The following FZD1 variants were observed in gnomAD, a reference collection of about 807,000 sequenced individuals.
The protein encoded by FZD1 is frizzled-1.
A neutral mutation model predicts 48.0 loss-of-function variants in FZD1; 22 were observed. The observed-to-expected ratio is 0.46, with a 90% confidence interval of 0.33 to 0.65. The LOEUF (loss-of-function observed/expected upper bound fraction) is 0.65, where lower values mean the gene tolerates loss of function less well. Ranked by LOEUF, FZD1 falls within the 30% of genes least tolerant of loss-of-function variation. The pLI, the probability that FZD1 is intolerant of heterozygous loss-of-function variation, is 0.02. For missense variants in FZD1, 843 were observed against 898.1 expected, an observed-to-expected ratio of 0.94 and a Z score of 0.78; for synonymous variants, 486 against 409.6, an observed-to-expected ratio of 1.19 and a Z score of -2.25.
chr7:91,265,183 G>C lies in FZD1; in HGVS notation c.303G>C (p.Gln101His). 1.2e-6 allele frequency: 2 copies of C among 1,612,702 alleles called. No homozygotes were observed. Among genetic ancestry groups the C allele is most frequent in the South Asian group, 2.2e-5 (2 of 91,032 alleles). Reference protein sequence around the residue: ...PPPQQQQSGQQYNGERGISVP... With the variant: ...PPPQQQQSGQHYNGERGISVP... ...CTCAGCAGCAACAGAGCGGGCAGCA[G>C]TACAACGGCGAGCGGGGCATCTCCG... is the stretch of plus-strand genomic sequence containing the variant. Residue 101 changes from glutamine to histidine, a missense_variant, in exon 1 of 1, where the codon CAG (glutamine) becomes CAC (histidine). Around this residue, in one of 2 missense-constraint regions of FZD1, gnomAD observed 490 missense variants for 466.5 expected, o/e 1.05. Coordinates refer to ENST00000287934, the MANE Select transcript of FZD1 (RefSeq NM_003505.2). This position sits in a 1 kb window ranked among gnomAD's most constrained non-coding sequence, Gnocchi z 6.9.
chr7:91,265,914 T>C lies in FZD1; in HGVS notation c.1034T>C (p.Met345Thr). 1 of 1,614,180 alleles carries C rather than the reference T, an allele frequency of 6.2e-7. No homozygotes were observed. Among genetic ancestry groups the C allele is most frequent in the Non-Finnish European group, 8.5e-7 (1 of 1,180,020 alleles). ...LFTVLTYLVD[M>T]RRFSYPERPI... is the part of the protein sequence containing the mutation. ...ACGGTGCTTACGTACCTGGTGGACA[T>C]GCGGCGCTTCAGCTACCCGGAGCGG... The change falls in exon 1 of 1, where the codon ATG (methionine) becomes ACG (threonine). Residue 345 changes from methionine to threonine, a missense_variant. This residue lies in a region of FZD1 where 353 missense variants were observed against 431.6 expected (regional missense o/e 0.82). Transcript: ENST00000287934. This position sits in a 1 kb window ranked among gnomAD's most constrained non-coding sequence, Gnocchi z 6.9.
Position 91,266,569 on chromosome 7 carries a change from C to G in FZD1, c.1689C>G (p.Asp563Glu). Reference protein sequence around the residue: ...ACYFYEQAFRDQWERSWVAQS... With the variant: ...ACYFYEQAFREQWERSWVAQS... ...ACTTCTACGAGCAGGCCTTCCGGGA[C>G]CAGTGGGAACGCAGCTGGGTGGCCC... The change falls in exon 1 of 1, where the codon GAC becomes GAG. Residue 563 changes from aspartate to glutamate, a missense_variant. Asp to Glu is a conservative substitution (Grantham distance 45, BLOSUM62 2). Transcript: ENST00000287934. This position sits in a 1 kb window ranked among gnomAD's most constrained non-coding sequence, Gnocchi z 6.8. The G allele has an allele frequency of 6.2e-7, 1 of 1,613,788 alleles. No individual in the cohort carries two copies. Among genetic ancestry groups the G allele is most frequent in the Non-Finnish European group, 8.5e-7 (1 of 1,180,024 alleles).
Position 91,264,791 on chromosome 7 carries a change from C to A in FZD1, c.-90C>A. The A allele has an allele frequency of 1.1e-6, 1 of 877,616 alleles. No individual in the cohort carries two copies. The highest frequency in any genetic ancestry group is 1.5e-6 in the Non-Finnish European group (1 of 658,024). The allele number at this position is 877,616 out of a possible 1,614,324, so 54.4% of individuals were successfully genotyped here. On this transcript the variant is annotated 5_prime_UTR_variant, in exon 1 of 1. Transcript: ENST00000287934. ...TTGGGCTCGACGGAGGGCACCCGCGCAGAGGTCTCCCTGGCCGCAGGGGGA... is the reference window on the plus strand; with the variant it reads ...TTGGGCTCGACGGAGGGCACCCGCGAAGAGGTCTCCCTGGCCGCAGGGGGA...
Position 91,265,113 on chromosome 7 carries a change from G to C in FZD1, c.233G>C (p.Gly78Ala), listed in dbSNP as rs1389326253. 2.1e-5 allele frequency: 32 copies of C among 1,493,748 alleles called. No homozygotes were observed. The highest frequency in any genetic ancestry group is 2.8e-5 in the Non-Finnish European group (31 of 1,116,538). The allele number at this position is 1,493,748 out of a possible 1,614,324, so 92.5% of individuals were successfully genotyped here. ...GTCCGGGCCCAGGCGGCGGGCCAGG[G>C]GCCAGGCCAGGGGCCCGGGCCGGGG... ...LGVRAQAAGQGPGQGPGPGQQ... is the reference protein window; with the variant it reads ...LGVRAQAAGQAPGQGPGPGQQ... Residue 78 changes from glycine (G) to alanine (A), a missense_variant, in exon 1 of 1, where the codon GGG becomes GCG. By Grantham distance (60) the Gly-to-Ala change is moderately conservative. This residue lies in a region of FZD1 where 490 missense variants were observed against 466.5 expected (regional missense o/e 1.05). Coordinates refer to ENST00000287934, the MANE Select transcript of FZD1 (RefSeq NM_003505.2). This position sits in a 1 kb window ranked among gnomAD's most constrained non-coding sequence, Gnocchi z 6.9.
Position 91,268,326 on chromosome 7 carries a change from A to C in FZD1, c.*1502A>C, listed in dbSNP as rs1266986683. On this transcript the variant is annotated 3_prime_UTR_variant, in exon 1 of 1. Transcript: ENST00000287934. ...GGAGATAGCGCCTGAAATAAACAAA[A>C]TATGGGCATGCATGCTAAAGGGAAA... 6.0e-6 allele frequency: 1 copy of C among 167,100 alleles called. No individual in the cohort carries two copies. Among genetic ancestry groups the C allele is most frequent in the Non-Finnish European group, 1.5e-5 (1 of 68,130 alleles). 10.4% of individuals were successfully genotyped at this position (167,100 alleles called of 1,614,324 possible).
rs2116130658 is a variant in FZD1 at position 91,265,153 on chromosome 7, G to GCCA, written c.275_276insACC (p.Pro93dup). 1 of 1,605,402 alleles carries GCCA rather than the reference G, an allele frequency of 6.2e-7. No individual in the cohort carries two copies. The highest frequency in any genetic ancestry group is 8.5e-7 in the Non-Finnish European group (1 of 1,176,752). ...CCGGGCCGGGGCAGCAACCGCCGCC[G>GCCA]CCGCCTCAGCAGCAACAGAGCGGGC... On this transcript the variant is annotated inframe_insertion, in exon 1 of 1. Coordinates refer to ENST00000287934, the MANE Select transcript of FZD1 (RefSeq NM_003505.2). The surrounding 1 kb of genome is among the most constrained non-coding windows in gnomAD (Gnocchi z 6.9).
chr7:91,271,206 G>C lies in FZD1; in HGVS notation c.*4382G>C, dbSNP rs1022441910. The C allele has an allele frequency of 4.2e-5, 7 of 166,938 alleles. No individual in the cohort carries two copies. In the Admixed American group the frequency reaches 4.6e-4, roughly 11 times the overall value. 10.3% of individuals were successfully genotyped at this position (166,938 alleles called of 1,614,324 possible). Reference sequence around the variant, plus strand: ...CTCAGAGTTCCCTTAAACTTTTTGGGCTTAAATATTTTTATTCATTTTGGT... The same window carrying C: ...CTCAGAGTTCCCTTAAACTTTTTGGCCTTAAATATTTTTATTCATTTTGGT... On this transcript the variant is annotated 3_prime_UTR_variant, in exon 1 of 1. Transcript: ENST00000287934.
At position 91,264,585 on chromosome 7, in the gene FZD1, C is replaced by G; in HGVS notation, c.-296C>G. On this transcript the variant is annotated 5_prime_UTR_variant, in exon 1 of 1. Transcript: ENST00000287934. ...TGCGCTCTCTACGGGGCCGCGGCCA[C>G]TAGCGCGGCGCCGCCAGCCGGGAGC... 8.1e-6 allele frequency: 3 copies of G among 370,338 alleles called. No homozygotes were observed. Among genetic ancestry groups the G allele is most frequent in the Non-Finnish European group, 9.6e-6 (2 of 207,632 alleles). 22.9% of individuals were successfully genotyped at this position (370,338 alleles called of 1,614,324 possible). A position where few individuals can be genotyped will look rare whatever the true frequency, so the allele number is the denominator to read the frequency against.
chr7:91,267,131 A>C lies in FZD1; in HGVS notation c.*307A>C. 1 of 258,028 alleles carries C rather than the reference A, an allele frequency of 3.9e-6. No homozygotes were observed. The highest frequency in any genetic ancestry group is 7.9e-6 in the Non-Finnish European group (1 of 127,072). The allele number at this position is 258,028 out of a possible 1,614,324, so 16.0% of individuals were successfully genotyped here. On this transcript the variant is annotated 3_prime_UTR_variant, in exon 1 of 1. Transcript: ENST00000287934. ...TTTTTGTAAGTATATTTGTATTTAA[A>C]TGACGACCGATCACGCGTTTTTCTT...
In FZD1 at chr7:91,265,009, C is replaced by T; in HGVS notation, c.129C>T (p.Arg43=). 1 of 1,402,304 alleles carries T rather than the reference C, an allele frequency of 7.1e-7. No individual in the cohort carries two copies. The highest frequency in any genetic ancestry group is 9.3e-7 in the Non-Finnish European group (1 of 1,078,572). The allele number at this position is 1,402,304 out of a possible 1,614,324, so 86.9% of individuals were successfully genotyped here. Residue 43 remains arginine, a synonymous_variant, in exon 1 of 1, where the codon CGC becomes CGT. Coordinates refer to ENST00000287934, the MANE Select transcript of FZD1 (RefSeq NM_003505.2). This position sits in a 1 kb window ranked among gnomAD's most constrained non-coding sequence, Gnocchi z 6.9. Reference sequence around the variant, plus strand: ...GCGGGGACGCCGGTGGCCGCCGCCGCCCGCCAGTTGACCCCCGGCGATTGG... The same window carrying T: ...GCGGGGACGCCGGTGGCCGCCGCCGTCCGCCAGTTGACCCCCGGCGATTGG... The part of the protein sequence containing the change: ...EGSGDAGGRR[R]PPVDPRRLAR...
At position 91,264,498 on chromosome 7, in the gene FZD1, G is replaced by A. The variant is rs1803831461; in HGVS notation, c.-383G>A. On this transcript the variant is annotated 5_prime_UTR_variant, in exon 1 of 1. Transcript: ENST00000287934. ...AGGGATTGACACAAATGGTCAGGCG[G>A]CGGCGGCGGAGAAGGAGGCGGAGGC... 1 of 307,796 alleles carries A rather than the reference G, an allele frequency of 3.2e-6. No individual in the cohort carries two copies. The highest frequency in any genetic ancestry group is 6.0e-6 in the Non-Finnish European group (1 of 167,378). 19.1% of individuals were successfully genotyped at this position (307,796 alleles called of 1,614,324 possible). A position where few individuals can be genotyped will look rare whatever the true frequency, so the allele number is the denominator to read the frequency against.
Position 91,265,198 on chromosome 7 carries a change from G to C in FZD1, c.318G>C (p.Arg106=). Residue 106 remains arginine, a synonymous_variant, in exon 1 of 1, where the codon CGG becomes CGC. Transcript: ENST00000287934. This position sits in a 1 kb window ranked among gnomAD's most constrained non-coding sequence, Gnocchi z 6.9. ...GCGGGCAGCAGTACAACGGCGAGCG[G>C]GGCATCTCCGTCCCGGACCACGGCT... ...QQSGQQYNGE[R]GISVPDHGYC... is the part of the protein sequence containing the mutation. 1.2e-6 allele frequency: 2 copies of C among 1,613,460 alleles called. No individual in the cohort carries two copies. Among genetic ancestry groups the C allele is most frequent in the South Asian group, 1.1e-5 (1 of 91,054 alleles).
Position 91,265,844 on chromosome 7 carries a change from T to G in FZD1, c.964T>G (p.Trp322Gly). 1 of 1,613,906 alleles carries G rather than the reference T, an allele frequency of 6.2e-7. No homozygotes were observed. The change falls in exon 1 of 1, where the codon TGG (tryptophan) becomes GGG (glycine). Residue 322 changes from tryptophan (W) to glycine (G), a missense_variant. By Grantham distance (184) the Trp-to-Gly change is radical. Around this residue, in one of 2 missense-constraint regions of FZD1, gnomAD observed 490 missense variants for 466.5 expected, o/e 1.05. Coordinates refer to ENST00000287934, the MANE Select transcript of FZD1 (RefSeq NM_003505.2). This position sits in a 1 kb window ranked among gnomAD's most constrained non-coding sequence, Gnocchi z 6.9. ...GPEELRFSRT[W>G]IGIWSVLCCA... ...CGAGGAGCTGCGCTTCTCGCGCACC[T>G]GGATTGGCATTTGGTCAGTGCTGTG... is the stretch of plus-strand genomic sequence containing the variant.
rs150690083 is a variant in FZD1, at chr7:91,265,213, G to A, written c.333G>A (p.Pro111=). 2.5e-6 allele frequency: 4 copies of A among 1,613,900 alleles called. No homozygotes were observed. Among genetic ancestry groups the A allele is most frequent in the Non-Finnish European group, 2.5e-6 (3 of 1,179,952 alleles). The stretch of plus-strand genomic sequence containing the variant: ...ACGGCGAGCGGGGCATCTCCGTCCC[G>A]GACCACGGCTATTGCCAGCCCATCT... ...QYNGERGISV[P]DHGYCQPISI... Residue 111 remains proline, a synonymous_variant, in exon 1 of 1, where the codon CCG becomes CCA. Transcript: ENST00000287934. This position sits in a 1 kb window ranked among gnomAD's most constrained non-coding sequence, Gnocchi z 6.9.
rs1803872840 is a variant in FZD1, at chr7:91,265,973, G to C, written c.1093G>C (p.Val365Leu). 2 of 1,614,046 alleles carry C rather than the reference G, an allele frequency of 1.2e-6. No homozygotes were observed. Among genetic ancestry groups the C allele is most frequent in the East Asian group, 4.5e-5 (2 of 44,874 alleles). The part of the protein sequence containing the change: ...IIFLSGCYTA[V>L]AVAYIAGFLL... ...CTTCTTGTCCGGCTGTTACACGGCC[G>C]TGGCCGTGGCCTACATCGCCGGCTT... Residue 365 changes from valine (V) to leucine (L), a missense_variant, in exon 1 of 1, where the codon GTG becomes CTG. This residue lies in a region of FZD1 where 353 missense variants were observed against 431.6 expected (regional missense o/e 0.82). Coordinates refer to ENST00000287934, the MANE Select transcript of FZD1 (RefSeq NM_003505.2). The surrounding 1 kb of genome is among the most constrained non-coding windows in gnomAD (Gnocchi z 6.9).
chr7:91,266,312 T>C lies in FZD1; in HGVS notation c.1432T>C (p.Phe478Leu). Residue 478 changes from phenylalanine (F) to leucine (L), a missense_variant, in exon 1 of 1, where the codon TTC becomes CTC. By Grantham distance (22) the Phe-to-Leu change is conservative. This residue lies in a region of FZD1 where 353 missense variants were observed against 431.6 expected (regional missense o/e 0.82). Coordinates refer to ENST00000287934, the MANE Select transcript of FZD1 (RefSeq NM_003505.2). The surrounding 1 kb of genome is among the most constrained non-coding windows in gnomAD (Gnocchi z 6.8). ...VDGDVLSGVC[F>L]VGLNNVDALR... ...CGGCGATGTGCTGAGCGGAGTGTGC[T>C]TCGTGGGGCTTAACAACGTGGACGC... 6.2e-7 allele frequency: 1 copy of C among 1,614,160 alleles called. No homozygotes were observed. The highest frequency in any genetic ancestry group is 8.5e-7 in the Non-Finnish European group (1 of 1,180,028).
rs763942784 is a variant in FZD1 at position 91,270,673 on chromosome 7, T to C, written c.*3849T>C. 6.0e-6 allele frequency: 1 copy of C among 166,056 alleles called. No homozygotes were observed. Among genetic ancestry groups the C allele is most frequent in the Non-Finnish European group, 1.5e-5 (1 of 68,116 alleles). 10.3% of individuals were successfully genotyped at this position (166,056 alleles called of 1,614,324 possible). ...TTTTTTTTAAGATGCATATTTACTGTGTGTGCTTTTGCTTTCTAATCCATC... is the reference window on the plus strand; with the variant it reads ...TTTTTTTTAAGATGCATATTTACTGCGTGTGCTTTTGCTTTCTAATCCATC... On this transcript the variant is annotated 3_prime_UTR_variant, in exon 1 of 1. Transcript: ENST00000287934.
Position 91,264,761 on chromosome 7 carries a change from G to A in FZD1, c.-120G>A. On this transcript the variant is annotated 5_prime_UTR_variant, in exon 1 of 1. Coordinates refer to ENST00000287934, the MANE Select transcript of FZD1 (RefSeq NM_003505.2). ...CAGGAGCCGGGGGAGCGGGCCGAAAGCGGCTTGGGCTCGACGGAGGGCACC... is the reference window on the plus strand; with the variant it reads ...CAGGAGCCGGGGGAGCGGGCCGAAAACGGCTTGGGCTCGACGGAGGGCACC... The A allele has an allele frequency of 3.4e-6, 2 of 581,522 alleles. No individual in the cohort carries two copies. The highest frequency in any genetic ancestry group is 2.5e-6 in the Non-Finnish European group (1 of 394,188). The allele number at this position is 581,522 out of a possible 1,614,324, so 36.0% of individuals were successfully genotyped here.
rs770166373 is a variant in FZD1 at position 91,270,151 on chromosome 7, T to A, written c.*3327T>A. 2 of 167,072 alleles carry A rather than the reference T, an allele frequency of 1.2e-5. 1 individual carries two copies. Among genetic ancestry groups the A allele is most frequent in the South Asian group, 4.1e-4 (2 of 4,828 alleles). The allele number at this position is 167,072 out of a possible 1,614,324, so 10.3% of individuals were successfully genotyped here. On this transcript the variant is annotated 3_prime_UTR_variant, in exon 1 of 1. Coordinates refer to ENST00000287934, the MANE Select transcript of FZD1 (RefSeq NM_003505.2). Reference sequence around the variant, plus strand: ...GCATTGCTGTTTCCATGACAAACCCTATTTTCAGATGGTTTGATTTGCCTA... The same window carrying A: ...GCATTGCTGTTTCCATGACAAACCCAATTTTCAGATGGTTTGATTTGCCTA...
Sources: gnomAD v4.1 joint callset for allele counts on GRCh38, gnomAD v4.1.1 for gene constraint, gnomAD v4.1.1 regional missense constraint, Gnocchi (gnomAD v3.1) non-coding constraint, MANE v1.5 for transcripts, NCBI Gene and HGNC (gene_info 2026-07-23, HGNC 2026-07-21) for gene names.